Variants in GRID2 observed in about 807,000 individuals in gnomAD.
GRID2 encodes the protein glutamate ionotropic receptor delta type subunit 2, also known as glutamate receptor ionotropic, delta-2.
A neutral mutation model predicts 114.8 loss-of-function variants in GRID2; 33 were observed. The observed-to-expected ratio is 0.29, with a 90% CI of 0.22 to 0.38. The LOEUF (loss-of-function observed/expected upper bound fraction) is 0.38, where lower values mean the gene tolerates loss of function less well. GRID2 is among the 10% of genes least tolerant of loss of function. The pLI is 1.00. For missense variants in GRID2, 1,184 were observed against 1,257.7 expected, an observed-to-expected ratio of 0.94 and a Z score of 0.89; for synonymous variants, 505 against 449.9, an observed-to-expected ratio of 1.12 and a Z score of -1.55.
intron 2 of GRID2, among the ~76,000 whole-genome samples, chr4:92,596,371 G>A (rs189907255): frequency 6.9e-4 from 105 of 152,146 alleles, no homozygotes; most frequent in African/African-American, 2.3e-3. Context: ...CCATCTACAT[G>A]TGTGAATTAG....
intron 1 of GRID2, among the ~76,000 whole-genome samples, chr4:92,430,538 A>T (rs1367503769): frequency 6.6e-6 from 1 of 151,848 alleles, no homozygotes; most frequent in Admixed American, 6.6e-5. Flanking sequence ...AAGTCAGGTG[A>T]TGTGATTTTT....
At chr4:93,235,823 A>G (rs140058415) in intron 7 of GRID2, among the ~76,000 whole-genome samples, 58 of 152,224 alleles carry the variant, frequency 3.8e-4, no homozygotes, top group Admixed American at 1.4e-3. Flanking sequence ...AAGATAAAGT[A>G]AAGGATAAAG....
intron 11 of GRID2, among the ~76,000 whole-genome samples, chr4:93,484,125 G>A (rs1726141011): frequency 6.6e-6 from 1 of 151,704 alleles, no homozygotes; most frequent in South Asian, 2.1e-4. Context: ...TAATTGTGAA[G>A]TATTATTTGC....
chr4:93,273,475 A>T (rs35286037), intron 8 of GRID2, among the ~76,000 whole-genome samples: 104,278 of 151,086 alleles, frequency 0.69, 36,576 homozygotes, highest in Middle Eastern at 0.84. Flanking sequence ...CCCCCCAAAA[A>T]ATATCCATGC....
chr4:92,794,874 T>TATATA, intron 2 of GRID2, among the ~76,000 whole-genome samples: 1 of 106,052 alleles, frequency 9.4e-6, no homozygotes. Flanking sequence ...AATAATTGTT[T>TATATA]TATATATATA....
intron 1 of GRID2, among the ~76,000 whole-genome samples, chr4:92,312,829 A>G (rs942779457): frequency 6.6e-6 from 1 of 152,074 alleles, no homozygotes; most frequent in Non-Finnish European, 1.5e-5. Flanking sequence ...ACACTTCTAC[A>G]CTGCTGGTGG....
At position 93,617,593 on chromosome 4, in the gene GRID2, C is replaced by T. The variant is rs188553651; in HGVS notation, c.2194-8676C>T. On this transcript the variant is annotated intron_variant, in intron 13 of 15. Transcript: ENST00000282020. ...ATTGTCATTTAGCCTTATTTTTCAG[C>T]GATATTCGGGTCATGCTGGCATTGG... Among the ~76,000 whole-genome samples the T allele has an allele frequency of 7.1e-4, 108 of 152,142 alleles. No individual in the cohort carries two copies. The East Asian group carries it at 8.5e-3, about 12-fold the overall frequency.
At chr4:93,208,365 G>T (rs1743053873) in intron 5 of GRID2, among the ~76,000 whole-genome samples, 1 of 151,810 alleles carries the variant, frequency 6.6e-6, no homozygotes, top group African/African-American at 2.4e-5. Flanking sequence ...ATTTGGACAA[G>T]TATAATAACA....
chr4:92,309,434 T>A (rs2110106925), intron 1 of GRID2, among the ~76,000 whole-genome samples: 1 of 152,100 alleles, frequency 6.6e-6, no homozygotes, highest in East Asian at 1.9e-4. Flanking sequence ...TAGAATGTAT[T>A]ACTATAGTAT....
chr4:93,323,461 A>G (rs1223399314), intron 8 of GRID2, among the ~76,000 whole-genome samples: 1 of 152,136 alleles, frequency 6.6e-6, no homozygotes, highest in Non-Finnish European at 1.5e-5. Flanking sequence ...CTTGTAGTAT[A>G]GTTTGAAGTC....
chr4:93,047,365 A>G (rs80296896), intron 2 of GRID2, among the ~76,000 whole-genome samples: 5,207 of 152,256 alleles, frequency 0.034, 112 homozygotes, highest in South Asian at 0.073. Flanking sequence ...CATCAATTAT[A>G]ACAAATGTAT....
chr4:93,721,523 C>T (rs540887237), intron 14 of GRID2, among the ~76,000 whole-genome samples: 24 of 152,326 alleles, frequency 1.6e-4, no homozygotes, highest in African/African-American at 5.8e-4. Context: ...CAAATCCCAA[C>T]TCCACCACTG....
At chr4:92,975,984 A>C (rs1255549892) in intron 2 of GRID2, among the ~76,000 whole-genome samples, 1 of 152,110 alleles carries the variant, frequency 6.6e-6, no homozygotes, top group Non-Finnish European at 1.5e-5. Context: ...GTACTCATTG[A>C]ACTGCATACA....
chr4:92,457,513 T>A lies in GRID2; in HGVS notation c.89-132618T>A, dbSNP rs149767168. ...TCGAAAGATGTAGGCTTCATCTACATACACAAGTCGGACTTAAGTATTTAG... is the reference window on the plus strand; with the variant it reads ...TCGAAAGATGTAGGCTTCATCTACAAACACAAGTCGGACTTAAGTATTTAG... On this transcript the variant is annotated intron_variant, in intron 1 of 15. Coordinates refer to ENST00000282020, the MANE Select transcript of GRID2 (RefSeq NM_001510.4). 5.9e-3 allele frequency among the ~76,000 whole-genome samples: 895 copies of A among 152,280 alleles called. 9 individuals are homozygous for A. Among genetic ancestry groups the A allele is most frequent in the Non-Finnish European group, 7.0e-3 (474 of 68,002 alleles).
rs141850352 is a variant in GRID2, at chr4:93,312,948, G to A, written c.1245+74458G>A. Among the ~76,000 whole-genome samples, 3 of 152,226 alleles carry A rather than the reference G, an allele frequency of 2.0e-5. No homozygotes were observed. The East Asian group carries it at 5.8e-4, about 29-fold the overall frequency. On this transcript the variant is annotated intron_variant, in intron 8 of 15. Coordinates refer to ENST00000282020, the MANE Select transcript of GRID2 (RefSeq NM_001510.4). ...CCAAAGACAAATGCTCAAATATGGAGTTTCATAGGAATTTTTCAAACGTAT... is the reference window on the plus strand; with the variant it reads ...CCAAAGACAAATGCTCAAATATGGAATTTCATAGGAATTTTTCAAACGTAT...
chr4:93,272,421 A>G (rs1036532757), intron 8 of GRID2, among the ~76,000 whole-genome samples: 4 of 152,188 alleles, frequency 2.6e-5, no homozygotes, highest in Admixed American at 2.0e-4. Flanking sequence ...CAGAAGGGCC[A>G]GAGGTGGGTG....
intron 8 of GRID2, among the ~76,000 whole-genome samples, chr4:93,337,854 A>G (rs1759244888): frequency 2.0e-5 from 3 of 152,292 alleles, no homozygotes; most frequent in Middle Eastern, 6.8e-3. Context: ...TCAAACTAGT[A>G]TTTGTACATT....
intron 8 of GRID2, among the ~76,000 whole-genome samples, chr4:93,309,127 C>T (rs1755742300): frequency 6.6e-6 from 1 of 152,170 alleles, no homozygotes; most frequent in Non-Finnish European, 1.5e-5. Flanking sequence ...CTGAATCTCA[C>T]ATCAGACTGC....
intron 14 of GRID2, among the ~76,000 whole-genome samples, chr4:93,659,163 CAA>C (rs1293034809): frequency 1.5e-5 from 2 of 136,172 alleles, no homozygotes. Flanking sequence ...TAGAATCAGG[CAA>C]AAAAAAAAAG....
Sources: allele counts gnomAD v4.1 joint callset (sites outside exome capture counted in the v4.1 genomes callset), GRCh38; gene constraint gnomAD v4.1.1; transcripts MANE v1.5; gene names NCBI Gene and HGNC (gene_info 2026-07-23, HGNC 2026-07-21).